Variants in NPY2R observed in about 807,000 individuals in gnomAD.
NPY2R encodes the protein neuropeptide Y receptor type 2.
A neutral mutation model predicts 22.3 loss-of-function variants in NPY2R; 17 were observed. The ratio of observed to expected loss-of-function variants is 0.76; its 90% CI spans 0.52 to 1.14. NPY2R has a LOEUF of 1.14. Ranked by LOEUF, NPY2R falls within the 50% of genes most tolerant of loss-of-function variation. The probability of loss-of-function intolerance (pLI) is 0.00; values close to 1 mark genes in which losing one functional copy is unlikely to be tolerated. For synonymous variants in NPY2R, 209 were observed against 183.4 expected, an observed-to-expected ratio of 1.14 and a Z score of -1.13; for missense variants, 424 against 467.9, an observed-to-expected ratio of 0.91 and a Z score of 0.87.
the NPY2R span, among the ~76,000 whole-genome samples, chr4:155,202,794 C>A: frequency 5.3e-5 from 8 of 151,900 alleles, no homozygotes; most frequent in Non-Finnish European, 8.8e-5. Context: ...GTGTATGATT[C>A]AAAAATATAT....
At position 155,214,442 on chromosome 4, in the gene NPY2R, T is replaced by C; in HGVS notation, c.503T>C (p.Ile168Thr). The C allele has an allele frequency of 1.2e-6, 2 of 1,614,014 alleles. No individual in the cohort carries two copies. The highest frequency in any genetic ancestry group is 2.2e-5 in the South Asian group (2 of 91,058). ...SKISKRISFL[I>T]IGLAWGISAL... Reference sequence around the variant, plus strand: ...ATCTCCAAGCGAATCAGCTTCCTGATTATTGGCTTGGCCTGGGGCATCAGT... The same window carrying C: ...ATCTCCAAGCGAATCAGCTTCCTGACTATTGGCTTGGCCTGGGGCATCAGT... The change falls in exon 2 of 2, where the codon ATT becomes ACT. Residue 168 changes from isoleucine (I) to threonine (T), a missense_variant. Coordinates refer to ENST00000329476, the MANE Select transcript of NPY2R (RefSeq NM_000910.4).
At chr4:155,189,155 C>A in the NPY2R span, among the ~76,000 whole-genome samples, 3 of 152,020 alleles carry the variant, frequency 2.0e-5, no homozygotes, top group Non-Finnish European at 4.4e-5. Flanking sequence ...CTTACTAAAT[C>A]TCAGAAATGA....
rs762985604 is a variant in NPY2R at position 155,214,878 on chromosome 4, C to T, written c.939C>T (p.Ile313=). 1.9e-5 allele frequency: 30 copies of T among 1,610,794 alleles called. No individual in the cohort carries two copies. The highest frequency in any genetic ancestry group is 7.7e-5 in the South Asian group (7 of 90,856). The change falls in exon 2 of 2, where the codon ATC becomes ATT. Residue 313 remains isoleucine, a synonymous_variant. Coordinates refer to ENST00000329476, the MANE Select transcript of NPY2R (RefSeq NM_000910.4). ...TCATCTTCACAGTGTTCCACATCAT[C>T]GCCATGTGCTCCACTTTTGCCAATC... The part of the protein sequence containing the change: ...YKLIFTVFHI[I]AMCSTFANPL...
rs773627985 is a variant in NPY2R at position 155,215,032 on chromosome 4, G to A, written c.1093G>A (p.Val365Ile). The A allele has an allele frequency of 6.2e-7, 1 of 1,613,948 alleles. No homozygotes were observed. The change falls in exon 2 of 2, where the codon GTC becomes ATC. Residue 365 changes from valine (V) to isoleucine (I), a missense_variant. Physicochemically the swap from Val to Ile is conservative, Grantham distance 29. Coordinates refer to ENST00000329476, the MANE Select transcript of NPY2R (RefSeq NM_000910.4). ...ATTCAAGGCTAAAAAGAACCTGGAG[G>A]TCAGAAAGAACAGTGGCCCCAATGA... is the stretch of plus-strand genomic sequence containing the variant. ...VTFKAKKNLE[V>I]RKNSGPNDSF... is the part of the protein sequence containing the mutation.
At chr4:155,206,137 C>T (rs1729279791), upstream of NPY2R, among the ~76,000 whole-genome samples, 1 of 152,148 alleles carries the variant, frequency 6.6e-6, no homozygotes, top group African/African-American at 2.4e-5. Flanking sequence ...CCATTTATGT[C>T]ATTGGCCCTA....
intron 1 of NPY2R, among the ~76,000 whole-genome samples, chr4:155,213,409 C>T (rs1207050972): frequency 6.6e-6 from 1 of 152,124 alleles, no homozygotes; most frequent in Non-Finnish European, 1.5e-5. Context: ...AGGCACCAGA[C>T]AAATAGTTTT....
At chr4:155,204,482 G>GA (rs990339544), upstream of NPY2R, among the ~76,000 whole-genome samples, 1 of 152,066 alleles carries the variant, frequency 6.6e-6, no homozygotes, top group Non-Finnish European at 1.5e-5. Context: ...TTGGCTTAAG[G>GA]AAAAAATTTT....
At chr4:155,194,612 G>C in the NPY2R span, among the ~76,000 whole-genome samples, 47 of 151,920 alleles carry the variant, frequency 3.1e-4, 1 homozygote, top group Admixed American at 2.9e-3. Flanking sequence ...ATTCCATGGT[G>C]CATATGTACC....
the NPY2R span, among the ~76,000 whole-genome samples, chr4:155,188,043 A>G: frequency 1.2e-4 from 18 of 152,280 alleles, no homozygotes; most frequent in African/African-American, 4.3e-4. Flanking sequence ...GCTTCTGAAT[A>G]TCATTGAAAA....
the NPY2R span, among the ~76,000 whole-genome samples, chr4:155,191,419 A>C: frequency 6.6e-6 from 1 of 151,908 alleles, no homozygotes; most frequent in African/African-American, 2.4e-5. Flanking sequence ...ACTGTAGCCT[A>C]ACCAGAAGAC....
chr4:155,206,830 C>T (rs1272793343), upstream of NPY2R: 2 of 152,238 alleles, frequency 1.3e-5, no homozygotes, highest in Non-Finnish European at 1.5e-5. Context: ...TTTTTGTGGT[C>T]GTTGTTTAAA....
rs751901202 is a variant in NPY2R, at chr4:155,214,494, C to A, written c.555C>A (p.Ile185=). 2 of 1,614,162 alleles carry A rather than the reference C, an allele frequency of 1.2e-6. No individual in the cohort carries two copies. The highest frequency in any genetic ancestry group is 1.7e-6 in the Non-Finnish European group (2 of 1,180,014). ...ISALLASPLA[I]FREYSLIEII... is the part of the protein sequence containing the mutation. ...CCCTGCTGGCAAGTCCCCTGGCCAT[C>A]TTCCGGGAGTATTCGCTGATTGAGA... The change falls in exon 2 of 2, where the codon ATC becomes ATA. Residue 185 remains isoleucine, a synonymous_variant. Coordinates refer to ENST00000329476, the MANE Select transcript of NPY2R (RefSeq NM_000910.4).
chr4:155,214,102 T>G lies in NPY2R; in HGVS notation c.163T>G (p.Leu55Val). The change falls in exon 2 of 2, where the codon TTG becomes GTG. Residue 55 changes from leucine to valine, a missense_variant. By Grantham distance (32) the Leu-to-Val change is conservative. Coordinates refer to ENST00000329476, the MANE Select transcript of NPY2R (RefSeq NM_000910.4). Reference sequence around the variant, plus strand: ...GATTGAGGTACAAGTTGTTCTCATATTGGCCTACTGCTCCATCATCTTGCT... The same window carrying G: ...GATTGAGGTACAAGTTGTTCTCATAGTGGCCTACTGCTCCATCATCTTGCT... ...KLIEVQVVLI[L>V]AYCSIILLGV... 1 of 1,614,068 alleles carries G rather than the reference T, an allele frequency of 6.2e-7. No homozygotes were observed.
chr4:155,178,583 G>A, the NPY2R span, among the ~76,000 whole-genome samples: 1 of 152,180 alleles, frequency 6.6e-6, no homozygotes, highest in Non-Finnish European at 1.5e-5. Flanking sequence ...AGTACTGAGA[G>A]AAGAGGTTGA....
At chr4:155,178,101 C>T in the NPY2R span, among the ~76,000 whole-genome samples, 7 of 152,188 alleles carry the variant, frequency 4.6e-5, no homozygotes, top group East Asian at 1.4e-3. Context: ...ATTCTTCCTC[C>T]CCTCCCACCA....
At chr4:155,181,537 T>C in the NPY2R span, among the ~76,000 whole-genome samples, 1 of 151,920 alleles carries the variant, frequency 6.6e-6, no homozygotes. Flanking sequence ...CCTTTAAAGG[T>C]GATGGTATTA....
chr4:155,177,872 C>G, the NPY2R span, among the ~76,000 whole-genome samples: 1 of 152,110 alleles, frequency 6.6e-6, no homozygotes, highest in East Asian at 1.9e-4. Context: ...TGCCTTTTAT[C>G]ACCACCACAT....
upstream of NPY2R, among the ~76,000 whole-genome samples, chr4:155,205,699 G>A (rs543934042): frequency 4.8e-4 from 73 of 152,202 alleles, no homozygotes; most frequent in African/African-American, 1.7e-3. Context: ...TATGGGGTAG[G>A]GGAAATGGTA....
At chr4:155,175,467 A>G in the NPY2R span, among the ~76,000 whole-genome samples, 7 of 152,104 alleles carry the variant, frequency 4.6e-5, no homozygotes, top group East Asian at 1.9e-4. Flanking sequence ...ATGCTTTTCA[A>G]TATCCAAATC....
Sources: allele counts gnomAD v4.1 joint callset (sites outside exome capture counted in the v4.1 genomes callset), GRCh38; gene constraint gnomAD v4.1.1; transcripts MANE v1.5; gene names NCBI Gene and HGNC (gene_info 2026-07-23, HGNC 2026-07-21).